AAGAB: variants seen among roughly 807,000 people sequenced by gnomAD.
The protein encoded by AAGAB is alpha- and gamma-adaptin-binding protein p34.
AAGAB carries 38 observed loss-of-function variants against 44.1 expected under a neutral mutation model. That is an observed-to-expected ratio of 0.86 (90% CI 0.67 to 1.13). AAGAB has a LOEUF of 1.13. AAGAB is among the 50% of genes most tolerant of loss of function. The probability of loss-of-function intolerance (pLI) is 0.00; values close to 1 mark genes in which losing one functional copy is unlikely to be tolerated. For synonymous variants in AAGAB, 131 were observed against 131.8 expected (o/e 0.99, Z 0.04); for missense variants, 450 against 373.8 (o/e 1.20, Z -1.68).
chr15:67,210,944 A>G (rs965388220), intron 5 of AAGAB, among the ~76,000 whole-genome samples: 1 of 152,140 alleles, frequency 6.6e-6, no homozygotes, highest in African/African-American at 2.4e-5. Context: ...TTTCCTCTCT[A>G]TCTCTTCCCT....
chr15:67,218,573 C>A (rs548448830), intron 5 of AAGAB, among the ~76,000 whole-genome samples: 3 of 152,298 alleles, frequency 2.0e-5, no homozygotes, highest in African/African-American at 7.2e-5. Context: ...GAGTATGATG[C>A]CTAGATCATC....
At position 67,217,928 on chromosome 15, in the gene AAGAB, G is replaced by T. The variant is rs142508257; in HGVS notation, c.536-8384C>A. Among the ~76,000 whole-genome samples the T allele has an allele frequency of 5.9e-3, 901 of 152,278 alleles. 10 individuals are homozygous for T. Among genetic ancestry groups the T allele is most frequent in the African/African-American group, 0.021 (867 of 41,560 alleles). Reference sequence around the variant, plus strand: ...TTTCTGCCATGGAATCCTGTTACAAGTAACAAGGGGGATACATGTTAATAA... The same window carrying T: ...TTTCTGCCATGGAATCCTGTTACAATTAACAAGGGGGATACATGTTAATAA... On this transcript the variant is annotated intron_variant, in intron 5 of 9. Transcript: ENST00000261880.
intron 1 of AAGAB, among the ~76,000 whole-genome samples, chr15:67,240,571 T>C (rs2140386428): frequency 6.6e-6 from 1 of 152,358 alleles, no homozygotes; most frequent in South Asian, 2.1e-4. Context: ...GGAAGTTAGA[T>C]GCCAACCCAG....
chr15:67,223,933 C>T (rs1435154974), intron 5 of AAGAB, among the ~76,000 whole-genome samples: 2 of 152,136 alleles, frequency 1.3e-5, no homozygotes, highest in Non-Finnish European at 2.9e-5. Flanking sequence ...CCCAGATATC[C>T]ACATGGTGAA....
At chr15:67,236,935 G>T in intron 1 of AAGAB, 115 bp from the exon 2 acceptor site, 1 of 718,358 alleles carries the variant, frequency 1.4e-6, no homozygotes, top group Non-Finnish European at 2.2e-6. Context: ...TTTATGTGAG[G>T]ATTTCAAAGG....
At chr15:67,239,339 C>T (rs1456318873) in intron 1 of AAGAB, among the ~76,000 whole-genome samples, 5 of 152,160 alleles carry the variant, frequency 3.3e-5, no homozygotes, top group Admixed American at 6.5e-5. Flanking sequence ...GTTTAGAACA[C>T]AAAAGAACAA....
chr15:67,232,061 CT>C (rs1432051637), intron 4 of AAGAB, among the ~76,000 whole-genome samples, 164 bp from the exon 5 acceptor site: 1 of 152,062 alleles, frequency 6.6e-6, no homozygotes, highest in Non-Finnish European at 1.5e-5. Context: ...CAAGACCAGC[CT>C]GACCAACATA....
In AAGAB at chr15:67,202,960, T is replaced by C. The variant is rs151320450; in HGVS notation, c.871-62A>G. The stretch of plus-strand genomic sequence containing the variant: ...GCTACATTTCAGCTTGTTTCATATG[T>C]CATACCTTAAACTGACTGAGACCTA... On this transcript the variant is annotated intron_variant, in intron 9 of 9. Transcript: ENST00000261880. The C allele has an allele frequency of 4.0e-3, 6,041 of 1,510,656 alleles. 30 individuals carry two copies. The highest frequency in any genetic ancestry group is 0.025 in the Middle Eastern group (148 of 5,832). 93.6% of individuals were successfully genotyped at this position (1,510,656 alleles called of 1,614,324 possible). A position where few individuals can be genotyped will look rare whatever the true frequency, so the allele number is the denominator to read the frequency against.
chr15:67,251,510 C>A (rs914952975), intron 1 of AAGAB, among the ~76,000 whole-genome samples: 1 of 152,152 alleles, frequency 6.6e-6, no homozygotes, highest in African/African-American at 2.4e-5. Flanking sequence ...CCCGTCCTGG[C>A]CTCCCACAGT....
intron 4 of AAGAB, chr15:67,232,466 C>A: frequency 3.8e-6 from 1 of 263,298 alleles, no homozygotes; most frequent in Non-Finnish European, 7.6e-6. Context: ...TGGTAACTAT[C>A]CAAACTGGAA....
At chr15:67,250,114 A>G (rs1192900627) in intron 1 of AAGAB, among the ~76,000 whole-genome samples, 1 of 152,200 alleles carries the variant, frequency 6.6e-6, no homozygotes, top group Non-Finnish European at 1.5e-5. Context: ...TAAGATGTTA[A>G]AACTTACATA....
chr15:67,235,721 A>G (rs929525333), intron 4 of AAGAB, among the ~76,000 whole-genome samples: 1 of 152,158 alleles, frequency 6.6e-6, no homozygotes, highest in African/African-American at 2.4e-5. Flanking sequence ...AATGACAAAG[A>G]TTTTAGAAAG....
chr15:67,203,584 C>T lies in AAGAB; in HGVS notation c.834G>A (p.Thr278=), dbSNP rs770095615. The change falls in exon 9 of 10, where the codon ACG becomes ACA. Residue 278 remains threonine (T), a synonymous_variant. Coordinates refer to ENST00000261880, the MANE Select transcript of AAGAB (RefSeq NM_024666.5). ...GCACTTTTCTTTGCTCATGAGGAAG[C>T]GTCGCAGCCTTGTCTAGGGGGAAAA... ...KLKEMKDKAA[T]LPHEQRKVHA... The T allele has an allele frequency of 8.1e-6, 13 of 1,613,516 alleles. No individual in the cohort carries two copies. The highest frequency in any genetic ancestry group is 6.7e-5 in the East Asian group (3 of 44,860).
intron 5 of AAGAB, among the ~76,000 whole-genome samples, chr15:67,231,381 T>A (rs998560573): frequency 2.0e-5 from 3 of 152,220 alleles, no homozygotes. Flanking sequence ...GCTCTCTCTC[T>A]ATACTTAAGC....
intron 5 of AAGAB, among the ~76,000 whole-genome samples, chr15:67,227,920 C>A (rs1964241726): frequency 6.6e-6 from 1 of 151,978 alleles, no homozygotes; most frequent in African/African-American, 2.4e-5. Context: ...TTTTGGTTAA[C>A]AGCAAACTAA....
intron 7 of AAGAB, among the ~76,000 whole-genome samples, chr15:67,204,753 GCTTCTT>G (rs1194603520): frequency 3.9e-5 from 6 of 152,048 alleles, no homozygotes; most frequent in Non-Finnish European, 7.4e-5. Flanking sequence ...TTGGCACACT[GCTTCTT>G]TATTAAAGTT....
chr15:67,235,763 C>T (rs1221723234), intron 4 of AAGAB, among the ~76,000 whole-genome samples: 1 of 152,110 alleles, frequency 6.6e-6, no homozygotes, highest in African/African-American at 2.4e-5. Flanking sequence ...AAGAAAAACA[C>T]ACATTTTCAA....
At chr15:67,206,576 T>C (rs551063863) in intron 7 of AAGAB, among the ~76,000 whole-genome samples, 2 of 152,336 alleles carry the variant, frequency 1.3e-5, no homozygotes, top group East Asian at 3.9e-4. Context: ...TGTCCTTTCT[T>C]TCTCATTTGT....
chr15:67,249,333 C>A (rs764956549), intron 1 of AAGAB, among the ~76,000 whole-genome samples: 1 of 152,080 alleles, frequency 6.6e-6, no homozygotes, highest in Non-Finnish European at 1.5e-5. Flanking sequence ...CCATGCCTGG[C>A]CAATAACACA....
Sources: allele counts gnomAD v4.1 joint callset (sites outside exome capture counted in the v4.1 genomes callset), GRCh38; gene constraint gnomAD v4.1.1; transcripts MANE v1.5; gene names NCBI Gene and HGNC (gene_info 2026-07-23, HGNC 2026-07-21).